The following HHLA2 variants were observed in gnomAD, a reference collection of about 807,000 sequenced individuals.
HHLA2 encodes HERV-H LTR-associating protein 2.
Under a neutral mutation model 45.9 loss-of-function variants are expected in HHLA2, and 48 were observed. That is an observed-to-expected ratio of 1.05 (90% CI 0.83 to 1.33). The LOEUF (loss-of-function observed/expected upper bound fraction) is 1.33, where lower values mean the gene tolerates loss of function less well. HHLA2 is among the 40% of genes most tolerant of loss of function. The probability of loss-of-function intolerance (pLI) is 0.00; values close to 1 mark genes in which losing one functional copy is unlikely to be tolerated. For missense variants in HHLA2, 462 were observed against 494.3 expected (o/e 0.93, Z 0.62); for synonymous variants, 161 against 173.9 (o/e 0.93, Z 0.59).
At chr3:108,368,850 C>T (rs2082114465) in intron 8 of HHLA2, among the ~76,000 whole-genome samples, 2 of 152,144 alleles carry the variant, frequency 1.3e-5, no homozygotes. Flanking sequence ...ATATTCAGAA[C>T]TTGAACTCAG....
chr3:108,375,642 A>G (rs2082263058), intron 8 of HHLA2, 108 bp from the exon 8 acceptor site: 2 of 1,376,766 alleles, frequency 1.5e-6, no homozygotes, highest in African/African-American at 1.4e-5. Context: ...TCAAAGAACC[A>G]GAGAGTGACT....
intron 2 of HHLA2, among the ~76,000 whole-genome samples, chr3:108,323,131 G>C (rs778366728): frequency 5.1e-5 from 7 of 138,276 alleles, no homozygotes; most frequent in Middle Eastern, 3.7e-3. Context: ...TTCCCATAGT[G>C]GGGGGGTCTG....
chr3:108,350,787 C>A (rs761226501), intron 3 of HHLA2, among the ~76,000 whole-genome samples: 34 of 152,178 alleles, frequency 2.2e-4, no homozygotes, highest in Non-Finnish European at 4.6e-4. Flanking sequence ...CTGGTTCAAG[C>A]AATTTGCCTG....
chr3:108,364,207 T>C lies in HHLA2; in HGVS notation c.1108+1761T>C, dbSNP rs528306832. Among the ~76,000 whole-genome samples the C allele has an allele frequency of 1.2e-4, 19 of 152,284 alleles. No homozygotes were observed. The South Asian group carries it at 3.9e-3, about 32-fold the overall frequency. On this transcript the variant is annotated intron_variant, in intron 8 of 10. Coordinates refer to ENST00000619531, the Ensembl canonical transcript of HHLA2. ...CCCGCCCTGTGTCCAAGTGATCTCA[T>C]TGTTCAATTCCCACCTATGAGTGAG... is the stretch of plus-strand genomic sequence containing the variant.
exon 11 of HHLA2, chr3:108,377,861 A>G (rs2082301471): frequency 6.6e-6 from 1 of 152,318 alleles, no homozygotes; most frequent in East Asian, 1.9e-4. Context: ...AAAGGGCCCT[A>G]TGTGTCAGGC....
At chr3:108,303,270 A>C (rs2080878353) in intron 1 of HHLA2, among the ~76,000 whole-genome samples, 1 of 152,188 alleles carries the variant, frequency 6.6e-6, no homozygotes, top group African/African-American at 2.4e-5. Flanking sequence ...ATGTGCTATA[A>C]TGTAACCTCA....
At chr3:108,377,621 TA>T (rs1320141423) in exon 11 of HHLA2, 2 of 222,810 alleles carry the variant, frequency 9.0e-6, no homozygotes, top group Admixed American at 5.5e-5. Context: ...AATGCATCAC[TA>T]GGGGTTGATT....
chr3:108,298,300 C>T (rs1177263388), intron 1 of HHLA2, among the ~76,000 whole-genome samples: 2 of 152,148 alleles, frequency 1.3e-5, no homozygotes, highest in Non-Finnish European at 2.9e-5. Context: ...AAGTCCATTC[C>T]GTTTAACTGG....
chr3:108,304,230 T>A (rs1224675890), intron 1 of HHLA2, among the ~76,000 whole-genome samples: 1 of 152,148 alleles, frequency 6.6e-6, no homozygotes, highest in Admixed American at 6.5e-5. Flanking sequence ...CTCTCCAAAT[T>A]TAGGCATTGT....
intron 4 of HHLA2, among the ~76,000 whole-genome samples, chr3:108,352,539 C>T (rs2081799926): frequency 6.6e-6 from 1 of 152,156 alleles, no homozygotes; most frequent in Non-Finnish European, 1.5e-5. Context: ...AGGTCCTTTC[C>T]AGTGCTAATA....
At position 108,371,379 on chromosome 3, in the gene HHLA2, T is replaced by A. The variant is rs932259200; in HGVS notation, c.1109-4371T>A. On this transcript the variant is annotated intron_variant, in intron 8 of 10. Transcript: ENST00000619531. ...CCAGCCACTGCAAAAACAGGCCAAA[T>A]TGTAAAGACCATCGAGGCTAGGAAG... is the stretch of plus-strand genomic sequence containing the variant. Among the ~76,000 whole-genome samples, 15 of 152,142 alleles carry A rather than the reference T, an allele frequency of 9.9e-5. No homozygotes were observed. In the East Asian group the frequency reaches 1.5e-3, roughly 16 times the overall value.
At chr3:108,369,553 C>T (rs1195640941) in intron 8 of HHLA2, among the ~76,000 whole-genome samples, 1 of 152,140 alleles carries the variant, frequency 6.6e-6, no homozygotes, top group Non-Finnish European at 1.5e-5. Context: ...CAGGGAATTC[C>T]CTTTCCTAGT....
chr3:108,359,112 T>TCTCCA (rs913476904), intron 7 of HHLA2, among the ~76,000 whole-genome samples: 6 of 152,102 alleles, frequency 3.9e-5, no homozygotes, highest in Non-Finnish European at 5.9e-5. Context: ...CAGTTTTATG[T>TCTCCA]AAAATACAGT....
chr3:108,319,054 C>G (rs2081152839), intron 2 of HHLA2, among the ~76,000 whole-genome samples: 1 of 152,128 alleles, frequency 6.6e-6, no homozygotes, highest in African/African-American at 2.4e-5. Flanking sequence ...TTTCTCTGTT[C>G]CTTCTCTCTT....
rs1440595900 is a variant in HHLA2 at position 108,353,887 on chromosome 3, G to A, written c.418+107G>A. ...TGAGCTTCCTTCCAAGTCAATACATGGAAATCTACTTATTTTTAACGCACA... is the reference window on the plus strand; with the variant it reads ...TGAGCTTCCTTCCAAGTCAATACATAGAAATCTACTTATTTTTAACGCACA... On this transcript the variant is annotated intron_variant, in intron 5 of 10. Transcript: ENST00000619531. 6.6e-6 allele frequency: 5 copies of A among 758,332 alleles called. No homozygotes were observed. The Admixed American group carries it at 1.5e-4, about 22-fold the overall frequency. The allele number at this position is 758,332 out of a possible 1,614,324, so 47.0% of individuals were successfully genotyped here.
At chr3:108,358,922 T>C (rs546535351) in intron 7 of HHLA2, among the ~76,000 whole-genome samples, 1 of 152,264 alleles carries the variant, frequency 6.6e-6, no homozygotes, top group South Asian at 2.1e-4. Context: ...TGATTCTACG[T>C]AGTGAGATTT....
chr3:108,345,714 T>C (rs192743975), intron 3 of HHLA2, among the ~76,000 whole-genome samples: 2 of 152,302 alleles, frequency 1.3e-5, no homozygotes, highest in East Asian at 3.9e-4. Flanking sequence ...GTTTCACCTT[T>C]CACCTGTTTC....
chr3:108,350,503 T>TA (rs2081758206), intron 3 of HHLA2, among the ~76,000 whole-genome samples: 1 of 152,174 alleles, frequency 6.6e-6, no homozygotes, highest in South Asian at 2.1e-4. Context: ...TTTACTTTTT[T>TA]AAAAAAATTG....
intron 3 of HHLA2, among the ~76,000 whole-genome samples, chr3:108,347,830 A>C (rs1436270263): frequency 6.6e-6 from 1 of 152,170 alleles, no homozygotes; most frequent in Non-Finnish European, 1.5e-5. Context: ...AAGAGAATGG[A>C]AGAGTCAAGA....
Sources: gnomAD v4.1 joint callset for allele counts (sites outside exome capture counted in the v4.1 genomes callset) on GRCh38, gnomAD v4.1.1 for gene constraint, MANE v1.5 for transcripts, NCBI Gene and HGNC (gene_info 2026-07-23, HGNC 2026-07-21) for gene names.